The following PCSK6 variants were observed in gnomAD, a reference collection of about 807,000 sequenced individuals.
PCSK6 encodes the protein paired basic amino acid cleaving enzyme 4.
Under a neutral mutation model 123.3 loss-of-function variants are expected in PCSK6, and 85 were observed. That is an observed-to-expected ratio of 0.69 (90% CI 0.58 to 0.83). The LOEUF (loss-of-function observed/expected upper bound fraction) is 0.83, where lower values mean the gene tolerates loss of function less well. Among genes scored for constraint, PCSK6 ranks in the 40% least tolerant of loss-of-function variants. The pLI is 0.00. For missense variants in PCSK6, 1,191 were observed against 1,282.3 expected, an observed-to-expected ratio of 0.93 and a Z score of 1.09; for synonymous variants, 508 against 516.0, an observed-to-expected ratio of 0.98 and a Z score of 0.21.
chr15:101,383,302 G>C (rs2041958857), intron 10 of PCSK6, among the ~76,000 whole-genome samples: 1 of 151,550 alleles, frequency 6.6e-6, no homozygotes, highest in Admixed American at 6.6e-5. Flanking sequence ...AGCTACTCGG[G>C]AGGGATTATT....
intron 6 of PCSK6, among the ~76,000 whole-genome samples, chr15:101,407,773 G>A (rs540158080): frequency 5.3e-5 from 8 of 152,302 alleles, no homozygotes; most frequent in African/African-American, 1.4e-4. Context: ...CCCCACATAC[G>A]GTACTGGGAC....
chr15:101,361,414 G>A (rs947108461), intron 13 of PCSK6, among the ~76,000 whole-genome samples: 4 of 106,914 alleles, frequency 3.7e-5, no homozygotes, highest in Admixed American at 2.1e-4. Context: ...TGTTTCTGTA[G>A]GAGTGTAAGG....
At chr15:101,422,776 C>T (rs189527363) in intron 6 of PCSK6, among the ~76,000 whole-genome samples, 3,083 of 152,242 alleles carry the variant, frequency 0.02, 60 homozygotes, top group Non-Finnish European at 0.026. Context: ...CGCCCGCCAC[C>T]GCGCCCGGCT....
intron 13 of PCSK6, among the ~76,000 whole-genome samples, chr15:101,364,234 C>T (rs969528755): frequency 2.0e-5 from 3 of 152,202 alleles, no homozygotes; most frequent in South Asian, 2.1e-4. Context: ...CAGGGAACGA[C>T]GGAACAGTGA....
chr15:101,314,859 G>C (rs987783873), intron 19 of PCSK6, among the ~76,000 whole-genome samples: 2 of 152,208 alleles, frequency 1.3e-5, no homozygotes, highest in Non-Finnish European at 2.9e-5. Context: ...ACTCTGTCTG[G>C]TTTATGTTGT....
chr15:101,411,776 T>G (rs935103445), intron 6 of PCSK6, among the ~76,000 whole-genome samples: 1 of 152,080 alleles, frequency 6.6e-6, no homozygotes, highest in African/African-American at 2.4e-5. Context: ...GAGGACGAAA[T>G]GAGGTGCCCG....
chr15:101,417,663 T>A (rs918386466), intron 6 of PCSK6, among the ~76,000 whole-genome samples: 2 of 152,110 alleles, frequency 1.3e-5, no homozygotes, highest in Non-Finnish European at 2.9e-5. Context: ...TATTTATTTA[T>A]TAGAACACAT....
intron 13 of PCSK6, among the ~76,000 whole-genome samples, chr15:101,340,325 G>T (rs1047754621): frequency 6.6e-6 from 1 of 152,094 alleles, no homozygotes; most frequent in Admixed American, 6.5e-5. Context: ...CCTGAAAGAT[G>T]GTATTTTAAA....
At chr15:101,322,002 A>G (rs974383144) in intron 18 of PCSK6, among the ~76,000 whole-genome samples, 2 of 152,260 alleles carry the variant, frequency 1.3e-5, no homozygotes, top group African/African-American at 4.8e-5. Context: ...AAGAACAATC[A>G]TTAACCCAGT....
At position 101,398,607 on chromosome 15, in the gene PCSK6, G is replaced by A. The variant is rs373160630; in HGVS notation, c.824-31C>T. The A allele has an allele frequency of 6.7e-5, 106 of 1,591,850 alleles. No individual in the cohort carries two copies. The highest frequency in any genetic ancestry group is 1.5e-4 in the African/African-American group (11 of 74,702). The stretch of plus-strand genomic sequence containing the variant: ...AGCACAGAGGAGGCTCGGTGTCGGC[G>A]CCCAGGCTCCGGGCACACAGCGACG... On this transcript the variant is annotated intron_variant, in intron 6 of 21. Transcript: ENST00000611716. The surrounding 1 kb of genome is among the most constrained non-coding windows in gnomAD (Gnocchi z 4.6).
At chr15:101,359,615 C>A (rs1014565987) in intron 13 of PCSK6, among the ~76,000 whole-genome samples, 1 of 152,260 alleles carries the variant, frequency 6.6e-6, no homozygotes, top group Non-Finnish European at 1.5e-5. Flanking sequence ...AAGGCCAAGG[C>A]CAGAGCTGCT....
chr15:101,396,992 G>A (rs919038608), intron 7 of PCSK6, among the ~76,000 whole-genome samples: 3 of 152,124 alleles, frequency 2.0e-5, no homozygotes, highest in Admixed American at 2.0e-4. Flanking sequence ...GGCAGTAGAG[G>A]AGGAAGCTTC....
intron 1 of PCSK6, among the ~76,000 whole-genome samples, chr15:101,484,579 C>T (rs7169389): frequency 0.01 from 1,559 of 152,196 alleles, 26 homozygotes; most frequent in African/African-American, 0.035. Flanking sequence ...TTAGTAGAGA[C>T]AGGGTTTCAC....
At chr15:101,335,048 T>C (rs2040448278) in intron 13 of PCSK6, among the ~76,000 whole-genome samples, 1 of 152,124 alleles carries the variant, frequency 6.6e-6, no homozygotes, top group Non-Finnish European at 1.5e-5. Context: ...CAGCCCCAAC[T>C]TCCCAGGCTC....
At position 101,489,584 on chromosome 15, in the gene PCSK6, G is replaced by A. The variant is rs1231714447; in HGVS notation, c.87C>T (p.Gly29=). 5.1e-6 allele frequency: 5 copies of A among 974,650 alleles called. No homozygotes were observed. The Admixed American group carries it at 2.6e-4, about 50-fold the overall frequency. The allele number at this position is 974,650 out of a possible 1,614,324, so 60.4% of individuals were successfully genotyped here. ...AATDTAAGAG[G]AGGAGGAGGP... ...CGCCGGCGCCCCCCGCGCCCCCCGC[G>A]CCCCCCGCGCCCGCGGCGGTGTCGG... is the stretch of plus-strand genomic sequence containing the variant. The change falls in exon 1 of 22, where the codon GGC becomes GGT. Residue 29 remains glycine (G), a synonymous_variant. Coordinates refer to ENST00000611716, the MANE Select transcript of PCSK6 (RefSeq NM_002570.5).
At chr15:101,380,338 C>T (rs2041880495) in intron 11 of PCSK6, among the ~76,000 whole-genome samples, 2 of 152,236 alleles carry the variant, frequency 1.3e-5, no homozygotes, top group Admixed American at 6.5e-5. Context: ...CTGACGGGGA[C>T]ACGAGCGGAG....
chr15:101,423,634 T>G (rs1048082283), intron 6 of PCSK6, among the ~76,000 whole-genome samples: 8 of 151,942 alleles, frequency 5.3e-5, no homozygotes, highest in East Asian at 1.9e-4. Flanking sequence ...TCAATAAAAA[T>G]CATTCCATTC....
intron 6 of PCSK6, among the ~76,000 whole-genome samples, chr15:101,420,252 T>C (rs1158863231): frequency 1.3e-5 from 2 of 150,698 alleles, no homozygotes; most frequent in Non-Finnish European, 3.0e-5. Context: ...AGACCAATTA[T>C]TGTCCTAAAA....
chr15:101,382,206 C>G lies in PCSK6; in HGVS notation c.1418G>C (p.Ser473Thr). 1.9e-6 allele frequency: 3 copies of G among 1,608,068 alleles called. No individual in the cohort carries two copies. Among genetic ancestry groups the G allele is most frequent in the Non-Finnish European group, 1.7e-6 (2 of 1,177,086 alleles). ...WKVNGAGHKV[S>T]HFYGFGLVDA... ...CACCAAACCAAATCCATAGAAATGG[C>G]TAACTGAAAAGACAGGCCCTTCAGA... Residue 473 changes from serine to threonine, a missense_variant, in exon 11 of 22, where the codon AGC (serine) becomes ACC (threonine). Ser to Thr is a moderately conservative substitution (Grantham distance 58, BLOSUM62 1). Transcript: ENST00000611716.
Sources: allele counts gnomAD v4.1 joint callset (sites outside exome capture counted in the v4.1 genomes callset), GRCh38; gene constraint gnomAD v4.1.1; non-coding constraint Gnocchi (gnomAD v3.1); transcripts MANE v1.5; gene names NCBI Gene and HGNC (gene_info 2026-07-23, HGNC 2026-07-21).